The following TRIT1 variants were observed in gnomAD, a reference collection of about 807,000 sequenced individuals.
TRIT1 encodes tRNA dimethylallyltransferase.
A neutral mutation model predicts 51.2 loss-of-function variants in TRIT1; 43 were observed. That is an observed-to-expected ratio of 0.84 (90% confidence interval 0.66 to 1.08). The LOEUF (loss-of-function observed/expected upper bound fraction) is 1.08, where lower values mean the gene tolerates loss of function less well. Among genes scored for constraint, TRIT1 ranks in the 50% least tolerant of loss-of-function variants. The pLI, the probability that TRIT1 is intolerant of heterozygous loss-of-function variation, is 0.00. For synonymous variants in TRIT1, 184 were observed against 203.9 expected (o/e 0.90, Z 0.83); for missense variants, 528 against 578.4 (o/e 0.91, Z 0.89).
In TRIT1 at chr1:39,859,221, G is replaced by A. The variant is rs143279187; in HGVS notation, c.175-1804C>T. On this transcript the variant is annotated intron_variant, in intron 1 of 10. Coordinates refer to ENST00000316891, the MANE Select transcript of TRIT1 (RefSeq NM_017646.6). ...CAGTGAGCCAAGATCACGCCATTGC[G>A]TTCCAGCCTGGGCAACAGAGTGAGA... is the stretch of plus-strand genomic sequence containing the variant. Among the ~76,000 whole-genome samples the A allele has an allele frequency of 5.0e-3, 620 of 123,498 alleles. 8 individuals carry two copies. Among genetic ancestry groups the A allele is most frequent in the African/African-American group, 0.017 (561 of 32,842 alleles). The allele number at this position is 123,498 out of a possible 152,430, so 81.0% of individuals were successfully genotyped here. A position where few individuals can be genotyped will look rare whatever the true frequency, so the allele number is the denominator to read the frequency against.
chr1:39,883,458 CGGGA>C lies in TRIT1; in HGVS notation c.30_33del (p.Pro11TrpfsTer15). On this transcript the variant is annotated frameshift_variant, in exon 1 of 11. Transcript: ENST00000316891. LOFTEE classifies it high-confidence loss of function. ...TGCAGGCCCCTGAGCCCACTGCCCA[CGGGA>C]ACTGCTCGTGCAGCCGCCACGGACG... The C allele has an allele frequency of 6.2e-7, 1 of 1,603,572 alleles. No homozygotes were observed. Among genetic ancestry groups the C allele is most frequent in the Non-Finnish European group, 8.5e-7 (1 of 1,171,570 alleles).
chr1:39,874,730 A>T (rs527418618), intron 1 of TRIT1, among the ~76,000 whole-genome samples: 1 of 150,860 alleles, frequency 6.6e-6, no homozygotes, highest in South Asian at 2.1e-4. Flanking sequence ...CAATGGCGTG[A>T]TCTCGGCTCA....
At chr1:39,872,408 G>A (rs1169242839) in intron 1 of TRIT1, among the ~76,000 whole-genome samples, 3 of 152,130 alleles carry the variant, frequency 2.0e-5, no homozygotes, top group African/African-American at 7.2e-5. Context: ...CAAACAAACT[G>A]TAGGCAAACA....
chr1:39,860,687 G>A (rs2124632135), intron 1 of TRIT1, among the ~76,000 whole-genome samples: 1 of 152,268 alleles, frequency 6.6e-6, no homozygotes, highest in South Asian at 2.1e-4. Flanking sequence ...TTGGCCAAGT[G>A]TTCATAATTA....
At chr1:39,864,535 G>C (rs957468864) in intron 1 of TRIT1, among the ~76,000 whole-genome samples, 15 of 150,930 alleles carry the variant, frequency 9.9e-5, no homozygotes, top group Non-Finnish European at 2.1e-4. Context: ...TGTGAACCCG[G>C]GAGGCGGAGC....
chr1:39,882,792 C>T (rs1206366470), intron 1 of TRIT1, among the ~76,000 whole-genome samples: 2 of 152,192 alleles, frequency 1.3e-5, no homozygotes, highest in Non-Finnish European at 2.9e-5. Flanking sequence ...CATTGTTGAT[C>T]CGAAGTCACA....
At chr1:39,849,990 TA>T in intron 5 of TRIT1, 128 bp downstream of exon 5, 1 of 946,900 alleles carries the variant, frequency 1.1e-6, no homozygotes, top group Non-Finnish European at 1.6e-6. Flanking sequence ...ATAATGATAA[TA>T]AAATTAATAG....
At chr1:39,869,085 C>G (rs181602742) in intron 1 of TRIT1, among the ~76,000 whole-genome samples, 1 of 151,910 alleles carries the variant, frequency 6.6e-6, no homozygotes, top group Admixed American at 6.5e-5. Context: ...CTCTCCCTCT[C>G]CCCCTCCCCC....
At chr1:39,849,962 C>T (rs562083186) in intron 5 of TRIT1, among the ~76,000 whole-genome samples, 157 bp downstream of exon 5, 2 of 152,270 alleles carry the variant, frequency 1.3e-5, no homozygotes, top group South Asian at 2.1e-4. Flanking sequence ...GGCACTGTGC[C>T]TAAGCCAACA....
In TRIT1 at chr1:39,841,717, C is replaced by T; in HGVS notation, c.*27G>A. ...CCCTCCTGAACTGGATCCCCACCAC[C>T]TTTCCAAAGGCCACTGGACATGTCT... On this transcript the variant is annotated 3_prime_UTR_variant, in exon 11 of 11. Coordinates refer to ENST00000316891, the MANE Select transcript of TRIT1 (RefSeq NM_017646.6). The T allele has an allele frequency of 6.3e-7, 1 of 1,589,928 alleles. No individual in the cohort carries two copies. Among genetic ancestry groups the T allele is most frequent in the East Asian group, 2.2e-5 (1 of 44,504 alleles).
chr1:39,863,879 AC>A (rs1643386956), intron 1 of TRIT1, among the ~76,000 whole-genome samples: 1 of 152,156 alleles, frequency 6.6e-6, no homozygotes, highest in Non-Finnish European at 1.5e-5. Flanking sequence ...CAGAATCCAG[AC>A]CCATGGTTCT....
chr1:39,842,206 T>C (rs1047964122), intron 10 of TRIT1, among the ~76,000 whole-genome samples: 3 of 152,194 alleles, frequency 2.0e-5, no homozygotes, highest in African/African-American at 7.2e-5. Flanking sequence ...GCTCATTTTA[T>C]ACAAGGGAAA....
chr1:39,849,562 G>C (rs142009206), intron 5 of TRIT1, among the ~76,000 whole-genome samples: 1 of 152,066 alleles, frequency 6.6e-6, no homozygotes, highest in Non-Finnish European at 1.5e-5. Context: ...CTATCTCCTT[G>C]TCTGTTGTCC....
intron 1 of TRIT1, among the ~76,000 whole-genome samples, chr1:39,882,920 T>C (rs768120554): frequency 6.6e-6 from 1 of 152,196 alleles, no homozygotes; most frequent in Non-Finnish European, 1.5e-5. Context: ...GGGTTAGGGT[T>C]AGAGTTACAA....
rs1459238821 is a variant in TRIT1 at position 39,841,824 on chromosome 1, C to T, written c.1324G>A (p.Val442Ile). The change falls in exon 11 of 11, where the codon GTT becomes ATT. Residue 442 changes from valine (V) to isoleucine (I), a missense_variant. Around this residue, in one of 3 missense-constraint regions of TRIT1, gnomAD observed 468 missense variants for 522.6 expected, o/e 0.90. Coordinates refer to ENST00000316891, the MANE Select transcript of TRIT1 (RefSeq NM_017646.6). ...DAVNTIESQS[V>I]SPDHNKEPKE... The stretch of plus-strand genomic sequence containing the variant: ...GGTTCTTTGTTATGGTCTGGGGAAA[C>T]ACTCTGACTTTCTATGGTGTTGACA... 6.2e-7 allele frequency: 1 copy of T among 1,614,044 alleles called. No homozygotes were observed. Among genetic ancestry groups the T allele is most frequent in the East Asian group, 2.2e-5 (1 of 44,870 alleles).
chr1:39,870,709 A>G (rs1643852160), intron 1 of TRIT1, among the ~76,000 whole-genome samples: 1 of 152,178 alleles, frequency 6.6e-6, no homozygotes, highest in African/African-American at 2.4e-5. Flanking sequence ...GAGAAATACA[A>G]AATGGTACAG....
At position 39,841,829 on chromosome 1, in the gene TRIT1, T is replaced by G. The variant is rs746980201; in HGVS notation, c.1319A>C (p.Gln440Pro). Residue 440 changes from glutamine (Q) to proline (P), a missense_variant, in exon 11 of 11, where the codon CAG becomes CCG. By Grantham distance (76) the Gln-to-Pro change is moderately conservative (BLOSUM62 -1). Coordinates refer to ENST00000316891, the MANE Select transcript of TRIT1 (RefSeq NM_017646.6). ...DSDAVNTIES[Q>P]SVSPDHNKEP... ...TTTGTTATGGTCTGGGGAAACACTC[T>G]GACTTTCTATGGTGTTGACAGCATC... 1.2e-6 allele frequency: 2 copies of G among 1,614,148 alleles called. No homozygotes were observed. Among genetic ancestry groups the G allele is most frequent in the Non-Finnish European group, 1.7e-6 (2 of 1,180,004 alleles).
At chr1:39,874,869 T>C (rs1243610832) in intron 1 of TRIT1, among the ~76,000 whole-genome samples, 1 of 151,972 alleles carries the variant, frequency 6.6e-6, no homozygotes, top group Non-Finnish European at 1.5e-5. Context: ...GGTTTCTCCA[T>C]GTTGGTCAGG....
intron 8 of TRIT1, chr1:39,846,928 C>T (rs1463355464): frequency 3.6e-6 from 1 of 278,626 alleles, no homozygotes; most frequent in Admixed American, 5.0e-5. Flanking sequence ...AAAAATCAGC[C>T]CTGAACACCA....
Sources: allele counts gnomAD v4.1 joint callset (sites outside exome capture counted in the v4.1 genomes callset), GRCh38; gene constraint gnomAD v4.1.1; regional missense constraint gnomAD v4.1.1; transcripts MANE v1.5; gene names NCBI Gene and HGNC (gene_info 2026-07-23, HGNC 2026-07-21).